TRIQK: variants seen among roughly 807,000 people sequenced by gnomAD.
TRIQK encodes triple QxxK/R motif containing, also known as triple QxxK/R motif-containing protein.
In TRIQK, 10 loss-of-function variants were observed where a neutral mutation model predicts 10.8. That is an observed-to-expected ratio of 0.92 (90% CI 0.57 to 1.57). TRIQK has a LOEUF of 1.57. Ranked by LOEUF, TRIQK falls within the 40% of genes most tolerant of loss-of-function variation. The probability of loss-of-function intolerance (pLI) is 0.00; values close to 1 mark genes in which losing one functional copy is unlikely to be tolerated. For missense variants in TRIQK, 107 were observed against 97.7 expected, an observed-to-expected ratio of 1.09 and a Z score of -0.40; for synonymous variants, 33 against 33.7, an observed-to-expected ratio of 0.98 and a Z score of 0.07.
chr8:93,015,581 T>G lies in TRIQK; in HGVS notation c.-181+2028A>C, dbSNP rs541369174. Reference sequence around the variant, plus strand: ...AAAGATGCAACTTTCTAACAAATCCTCGCTTTTGCTGTTCAGGATGCTATC... The same window carrying G: ...AAAGATGCAACTTTCTAACAAATCCGCGCTTTTGCTGTTCAGGATGCTATC... On this transcript the variant is annotated intron_variant, in intron 1 of 4. Transcript: ENST00000520686. Among the ~76,000 whole-genome samples, 5 of 151,954 alleles carry G rather than the reference T, an allele frequency of 3.3e-5. No individual in the cohort carries two copies. In the East Asian group the frequency reaches 7.7e-4, roughly 24 times the overall value.
chr8:92,984,261 G>C (rs1315896858), intron 1 of TRIQK, among the ~76,000 whole-genome samples: 1 of 152,068 alleles, frequency 6.6e-6, no homozygotes, highest in South Asian at 2.1e-4. Flanking sequence ...GTGTTATACA[G>C]CTGGAATCTA....
intron 1 of TRIQK, among the ~76,000 whole-genome samples, chr8:92,961,479 C>G (rs945427326): frequency 6.6e-6 from 1 of 151,682 alleles, no homozygotes; most frequent in Admixed American, 6.6e-5. Flanking sequence ...GCATGTTGTT[C>G]AAAAAAAAGA....
intron 1 of TRIQK, among the ~76,000 whole-genome samples, chr8:93,003,941 C>G (rs1813240381): frequency 1.3e-5 from 2 of 152,226 alleles, no homozygotes; most frequent in South Asian, 4.1e-4. Flanking sequence ...CCTTAGGTAG[C>G]TCTCTCCCTG....
chr8:93,005,970 A>T (rs1813266132), intron 1 of TRIQK, among the ~76,000 whole-genome samples: 1 of 152,150 alleles, frequency 6.6e-6, no homozygotes, highest in South Asian at 2.1e-4. Flanking sequence ...TTCAGGATAC[A>T]AAATCAATAT....
intron 3 of TRIQK, among the ~76,000 whole-genome samples, chr8:92,903,730 T>C (rs1375941089): frequency 6.6e-6 from 1 of 152,130 alleles, no homozygotes; most frequent in African/African-American, 2.4e-5. Context: ...TTTGTATCAA[T>C]AAATTTTTCT....
intron 3 of TRIQK, among the ~76,000 whole-genome samples, chr8:92,907,304 TAAA>T (rs1809326538): frequency 1.3e-5 from 2 of 152,182 alleles, no homozygotes; most frequent in Non-Finnish European, 2.9e-5. Context: ...TCTCATGCCC[TAAA>T]AGATTACCTT....
intron 4 of TRIQK, 53 bp from the exon 5 acceptor site, chr8:92,886,788 A>T: frequency 1.0e-6 from 1 of 979,068 alleles, no homozygotes; most frequent in South Asian, 1.4e-5. Flanking sequence ...ATTGGTTAAC[A>T]TTATTAGTTT....
At chr8:92,942,508 T>G (rs886229686) in intron 2 of TRIQK, among the ~76,000 whole-genome samples, 1 of 152,154 alleles carries the variant, frequency 6.6e-6, no homozygotes, top group African/African-American at 2.4e-5. Flanking sequence ...CTTTTACCAC[T>G]TCTGTTCAAC....
At chr8:92,930,097 G>T (rs935393494) in intron 2 of TRIQK, among the ~76,000 whole-genome samples, 1 of 150,776 alleles carries the variant, frequency 6.6e-6, no homozygotes, top group African/African-American at 2.4e-5. Flanking sequence ...ATTACAATAG[G>T]CTGGGCACAG....
chr8:92,952,386 T>C (rs1264469721), intron 2 of TRIQK, among the ~76,000 whole-genome samples: 1 of 151,312 alleles, frequency 6.6e-6, no homozygotes, highest in African/African-American at 2.4e-5. Flanking sequence ...GGTAAATCAA[T>C]AGAAACCTCC....
Position 93,008,864 on chromosome 8 carries a change from G to A in TRIQK, c.-181+8745C>T, listed in dbSNP as rs1813299916. ...ATTAAAGACTTAAGTGTAATGCTTG[G>A]AACCATGAAGCTACTAGGAAAACAC... On this transcript the variant is annotated intron_variant, in intron 1 of 4. Coordinates refer to the TRIQK transcript ENST00000520686. Among the ~76,000 whole-genome samples, 5 of 152,150 alleles carry A rather than the reference G, an allele frequency of 3.3e-5. 1 individual carries two copies. The highest frequency in any genetic ancestry group is 3.3e-4 in the Admixed American group (5 of 15,270).
intron 2 of TRIQK, among the ~76,000 whole-genome samples, chr8:92,938,795 T>C (rs1811126020): frequency 6.6e-6 from 1 of 152,214 alleles, no homozygotes; most frequent in Non-Finnish European, 1.5e-5. Flanking sequence ...GTTAATACCA[T>C]AAAGTGAAAG....
chr8:93,015,878 C>A (rs540558138), intron 1 of TRIQK, among the ~76,000 whole-genome samples: 1 of 152,086 alleles, frequency 6.6e-6, no homozygotes, highest in South Asian at 2.1e-4. Flanking sequence ...ATCTTACTCC[C>A]ATTAACCCTA....
At chr8:92,898,377 T>C (rs1043381008) in intron 3 of TRIQK, among the ~76,000 whole-genome samples, 3 of 152,094 alleles carry the variant, frequency 2.0e-5, no homozygotes, top group African/African-American at 7.2e-5. Context: ...GAAAAGAAAA[T>C]GGCATTAAGG....
rs770735374 is a variant in TRIQK at position 92,884,610 on chromosome 8, G to GT, written c.*2011dup. On this transcript the variant is annotated 3_prime_UTR_variant, in exon 5 of 5. Transcript: ENST00000521988. ...CTCAAGGGTAAAACAGAATGGTAAA[G>GT]TTTTTTTCAGGATAATGAATTTTCA... 4 of 328,180 alleles carry GT rather than the reference G, an allele frequency of 1.2e-5. No homozygotes were observed. Among genetic ancestry groups the GT allele is most frequent in the African/African-American group, 2.2e-5 (1 of 46,252 alleles). 20.3% of individuals were successfully genotyped at this position (328,180 alleles called of 1,614,324 possible).
intron 2 of TRIQK, among the ~76,000 whole-genome samples, chr8:92,933,836 C>G (rs1810853498): frequency 6.6e-6 from 1 of 152,074 alleles, no homozygotes; most frequent in South Asian, 2.1e-4. Flanking sequence ...TCTCACACTT[C>G]TGACTATAAA....
At chr8:92,992,473 T>C (rs1191878517) in intron 1 of TRIQK, among the ~76,000 whole-genome samples, 3 of 152,120 alleles carry the variant, frequency 2.0e-5, no homozygotes, top group Non-Finnish European at 4.4e-5. Context: ...CATCTGCTCA[T>C]GGGAGAGGAG....
chr8:92,899,217 C>T (rs112657549), intron 3 of TRIQK, among the ~76,000 whole-genome samples: 10,366 of 151,830 alleles, frequency 0.068, 493 homozygotes, highest in Non-Finnish European at 0.1. Context: ...CTCTTGACCT[C>T]GTGATCTGCC....
chr8:92,912,889 TA>T lies in TRIQK; in HGVS notation c.61+4039del, dbSNP rs921268071. ...AGATGACTTCAATTCTATGAAACAT[TA>T]AAAAAAAATCCTTCTTAAAGTCTCC... On this transcript the variant is annotated intron_variant, in intron 3 of 4. Transcript: ENST00000521988. Among the ~76,000 whole-genome samples the T allele has an allele frequency of 1.2e-3, 182 of 150,710 alleles. 2 individuals are homozygous for T. Among genetic ancestry groups the T allele is most frequent in the African/African-American group, 4.1e-3 (170 of 41,168 alleles).
Sources: allele counts gnomAD v4.1 joint callset (sites outside exome capture counted in the v4.1 genomes callset), GRCh38; gene constraint gnomAD v4.1.1; transcripts MANE v1.5; gene names NCBI Gene and HGNC (gene_info 2026-07-23, HGNC 2026-07-21).